The following EBF1 variants were observed in gnomAD, a reference collection of about 807,000 sequenced individuals.
The protein encoded by EBF1 is EBF transcription factor 1.
In EBF1, 10 loss-of-function variants were observed where a neutral mutation model predicts 68.4. That is an observed-to-expected ratio of 0.15 (90% confidence interval 0.09 to 0.25). The LOEUF is 0.25. EBF1 is among the 10% of genes least tolerant of loss of function. The probability of loss-of-function intolerance (pLI) is 1.00; values close to 1 mark genes in which losing one functional copy is unlikely to be tolerated. For synonymous variants in EBF1, 298 were observed against 299.8 expected (o/e 0.99, Z 0.06); for missense variants, 509 against 794.4 (o/e 0.64, Z 4.32).
At chr5:158,858,944 C>T (rs1047320175) in intron 6 of EBF1, among the ~76,000 whole-genome samples, 1 of 152,162 alleles carries the variant, frequency 6.6e-6, no homozygotes, top group African/African-American at 2.4e-5. Flanking sequence ...GTCTTGGCTC[C>T]TTAGACAGTG....
intron 6 of EBF1, among the ~76,000 whole-genome samples, chr5:159,072,519 T>A (rs1777997327): frequency 6.6e-6 from 1 of 152,210 alleles, no homozygotes; most frequent in South Asian, 2.1e-4. Flanking sequence ...TCGGTCAGTC[T>A]TATTGGCAAG....
chr5:158,963,359 G>T (rs1380634632), intron 6 of EBF1, among the ~76,000 whole-genome samples: 13 of 152,178 alleles, frequency 8.5e-5, no homozygotes, highest in Non-Finnish European at 7.3e-5. Context: ...GACAGTACAG[G>T]TTCTTTGAAG....
At chr5:158,758,129 C>T (rs2127606999) in intron 10 of EBF1, among the ~76,000 whole-genome samples, 1 of 152,268 alleles carries the variant, frequency 6.6e-6, no homozygotes, top group African/African-American at 2.4e-5. Flanking sequence ...TATTTATTTT[C>T]TCCATTATTG....
At chr5:158,716,713 C>A (rs1305030174) in intron 11 of EBF1, among the ~76,000 whole-genome samples, 4 of 152,128 alleles carry the variant, frequency 2.6e-5, no homozygotes, top group Non-Finnish European at 5.9e-5. Context: ...TTTCGGTGAC[C>A]AGAAAATTGC....
At chr5:158,762,793 C>G (rs748992068) in intron 10 of EBF1, among the ~76,000 whole-genome samples, 1 of 152,162 alleles carries the variant, frequency 6.6e-6, no homozygotes, top group Non-Finnish European at 1.5e-5. Flanking sequence ...CCTCGGCCTC[C>G]CAAAGTGCTG....
At chr5:158,802,070 G>A (rs1780696566) in intron 8 of EBF1, among the ~76,000 whole-genome samples, 1 of 152,126 alleles carries the variant, frequency 6.6e-6, no homozygotes, top group Admixed American at 6.6e-5. Flanking sequence ...GGTTAATTGA[G>A]CTCAGAGGTG....
At chr5:158,818,800 T>TA (rs1474802706) in intron 8 of EBF1, among the ~76,000 whole-genome samples, 2 of 152,060 alleles carry the variant, frequency 1.3e-5, no homozygotes, top group African/African-American at 2.4e-5. Context: ...ATCTTCAATC[T>TA]AAAAAAATAA....
chr5:158,972,823 C>A (rs1554094905), intron 6 of EBF1, among the ~76,000 whole-genome samples: 1 of 152,198 alleles, frequency 6.6e-6, no homozygotes, highest in Non-Finnish European at 1.5e-5. Flanking sequence ...CTCCTCCCCA[C>A]TGGCCTCCAT....
At position 158,728,842 on chromosome 5, in the gene EBF1, A is replaced by G. The variant is rs140075039; in HGVS notation, c.1125+2227T>C. Among the ~76,000 whole-genome samples the G allele has an allele frequency of 1.4e-3, 218 of 152,348 alleles. 1 individual carries two copies. The highest frequency in any genetic ancestry group is 5.0e-3 in the African/African-American group (207 of 41,584). On this transcript the variant is annotated intron_variant, in intron 11 of 15. Coordinates refer to ENST00000313708, the MANE Select transcript of EBF1 (RefSeq NM_024007.5). ...TGCTTCCCAAATTGCTGGGATTACCAGCATGAGCCACTGCTCGATAAGTAT... is the reference window on the plus strand; with the variant it reads ...TGCTTCCCAAATTGCTGGGATTACCGGCATGAGCCACTGCTCGATAAGTAT...
rs75593641 is a variant in EBF1 at position 158,811,019 on chromosome 5, T to C, written c.778+12157A>G. On this transcript the variant is annotated intron_variant, in intron 8 of 15. Coordinates refer to ENST00000313708, the MANE Select transcript of EBF1 (RefSeq NM_024007.5). The stretch of plus-strand genomic sequence containing the variant: ...TTGTGTCCCTCCAGGTAAATCTCTT[T>C]TTTTTGAGGATGCTAAAATCATGCT... 5.4e-3 allele frequency among the ~76,000 whole-genome samples: 824 copies of C among 152,262 alleles called. 13 individuals carry two copies. The highest frequency in any genetic ancestry group is 0.019 in the African/African-American group (796 of 41,550).
rs184681097 is a variant in EBF1 at position 159,076,301 on chromosome 5, C to T, written c.486-2837G>A. Among the ~76,000 whole-genome samples, 84 of 151,942 alleles carry T rather than the reference C, an allele frequency of 5.5e-4. 1 individual carries two copies. The highest frequency in any genetic ancestry group is 1.3e-3 in the African/African-American group (55 of 41,420). On this transcript the variant is annotated intron_variant, in intron 5 of 15. Transcript: ENST00000313708. ...TATGTATTGGGGGGCAAATACAATC[C>T]GGAAGAATAAAAGGGTGACAGATAA...
At chr5:158,941,765 G>A (rs1393281668) in intron 6 of EBF1, among the ~76,000 whole-genome samples, 1 of 152,118 alleles carries the variant, frequency 6.6e-6, no homozygotes, top group Non-Finnish European at 1.5e-5. Context: ...AAGGATTAGG[G>A]GTCCCACATC....
At chr5:158,826,474 T>C (rs1786154191) in intron 7 of EBF1, among the ~76,000 whole-genome samples, 1 of 152,228 alleles carries the variant, frequency 6.6e-6, no homozygotes. Flanking sequence ...GAATGTTCTA[T>C]AGGATGGCAC....
At chr5:158,734,241 G>T (rs992370422) in intron 10 of EBF1, among the ~76,000 whole-genome samples, 2 of 152,006 alleles carry the variant, frequency 1.3e-5, no homozygotes, top group Non-Finnish European at 2.9e-5. Context: ...TTTTTGCTGT[G>T]AATTTTCTAA....
chr5:158,910,140 G>A (rs1805630524), intron 6 of EBF1, among the ~76,000 whole-genome samples: 1 of 151,984 alleles, frequency 6.6e-6, no homozygotes, highest in African/African-American at 2.4e-5. Context: ...TGACATTTTT[G>A]TTACTGACTC....
At chr5:158,902,400 CA>C (rs1803593551) in intron 6 of EBF1, among the ~76,000 whole-genome samples, 1 of 143,914 alleles carries the variant, frequency 6.9e-6, no homozygotes, top group South Asian at 2.3e-4. Flanking sequence ...CGATTAGGCC[CA>C]AAAGCCTGCT....
intron 10 of EBF1, among the ~76,000 whole-genome samples, chr5:158,768,514 G>A (rs1773230405): frequency 6.6e-6 from 1 of 152,022 alleles, no homozygotes; most frequent in Non-Finnish European, 1.5e-5. Context: ...AAACCGGTAG[G>A]AATGTAAGCA....
At chr5:158,851,310 A>G (rs1453331456) in intron 6 of EBF1, among the ~76,000 whole-genome samples, 1 of 135,978 alleles carries the variant, frequency 7.4e-6, no homozygotes, top group Non-Finnish European at 1.6e-5. Context: ...AGGAGGTAGA[A>G]GTTGCAATGA....
chr5:158,905,123 G>A (rs1804296062), intron 6 of EBF1, among the ~76,000 whole-genome samples: 1 of 152,192 alleles, frequency 6.6e-6, no homozygotes, highest in South Asian at 2.1e-4. Context: ...ACTGGAATAA[G>A]CTCAAGCGAA....
Sources: allele counts gnomAD v4.1 joint callset (sites outside exome capture counted in the v4.1 genomes callset), GRCh38; gene constraint gnomAD v4.1.1; transcripts MANE v1.5; gene names NCBI Gene and HGNC (gene_info 2026-07-23, HGNC 2026-07-21).